The following CSMD3 variants were observed in gnomAD, a reference collection of about 807,000 sequenced individuals.
CSMD3 encodes CUB and sushi domain-containing protein 3.
CSMD3 carries 177 observed loss-of-function variants against 435.2 expected under a neutral mutation model. The ratio of observed to expected loss-of-function variants is 0.41; its 90% CI spans 0.36 to 0.46. The LOEUF (loss-of-function observed/expected upper bound fraction) is 0.46, where lower values mean the gene tolerates loss of function less well. Among genes scored for constraint, CSMD3 ranks in the 20% least tolerant of loss-of-function variants. The probability of loss-of-function intolerance (pLI) is 0.34; values close to 1 mark genes in which losing one functional copy is unlikely to be tolerated. For missense variants in CSMD3, 4,265 were observed against 4,504.6 expected, an observed-to-expected ratio of 0.95 and a Z score of 1.52; for synonymous variants, 1,656 against 1,520.5, an observed-to-expected ratio of 1.09 and a Z score of -2.07.
intron 32 of CSMD3, among the ~76,000 whole-genome samples, chr8:112,434,237 T>G (rs1814063470): frequency 6.6e-6 from 1 of 152,186 alleles, no homozygotes; most frequent in African/African-American, 2.4e-5. Context: ...CTTATTCAAT[T>G]GATATAAATA....
intron 11 of CSMD3, among the ~76,000 whole-genome samples, chr8:112,840,055 C>T (rs908254549): frequency 6.6e-6 from 1 of 151,474 alleles, no homozygotes; most frequent in African/African-American, 2.4e-5. Flanking sequence ...GTGGAAGGCC[C>T]GGTTTACTTC....
intron 27 of CSMD3, among the ~76,000 whole-genome samples, chr8:112,532,151 A>G (rs1231684593): frequency 6.6e-6 from 1 of 152,054 alleles, no homozygotes; most frequent in Non-Finnish European, 1.5e-5. Context: ...AATTCATGAC[A>G]TGGAAGATAG....
intron 10 of CSMD3, among the ~76,000 whole-genome samples, chr8:112,920,532 G>A (rs997872371): frequency 6.6e-6 from 1 of 151,264 alleles, no homozygotes; most frequent in East Asian, 2.0e-4. Flanking sequence ...CTACTGGGAG[G>A]AATTATTTGA....
intron 32 of CSMD3, among the ~76,000 whole-genome samples, chr8:112,446,170 C>G (rs934593687): frequency 6.6e-6 from 1 of 152,130 alleles, no homozygotes; most frequent in African/African-American, 2.4e-5. Context: ...AGAAACACAG[C>G]TTGTACTCTT....
chr8:112,365,293 A>C (rs1664313834), intron 38 of CSMD3, among the ~76,000 whole-genome samples: 1 of 152,038 alleles, frequency 6.6e-6, no homozygotes, highest in African/African-American at 2.4e-5. Flanking sequence ...CTTTCCATTA[A>C]TATTTGAAAC....
intron 2 of CSMD3, among the ~76,000 whole-genome samples, chr8:113,288,857 G>C (rs2093664514): frequency 6.6e-6 from 1 of 151,782 alleles, no homozygotes. Context: ...TAAATACTAG[G>C]AATTATCCCA....
chr8:112,932,504 C>G (rs909650165), intron 9 of CSMD3, among the ~76,000 whole-genome samples: 2 of 152,070 alleles, frequency 1.3e-5, no homozygotes, highest in Non-Finnish European at 2.9e-5. Context: ...CCTTGGCCTC[C>G]CAAAGTGCTG....
chr8:112,934,082 C>G (rs1177576714), intron 9 of CSMD3, among the ~76,000 whole-genome samples: 2 of 151,994 alleles, frequency 1.3e-5, no homozygotes, highest in Non-Finnish European at 2.9e-5. Flanking sequence ...TGGGTATTGG[C>G]TGAGTACATG....
chr8:113,175,528 A>C (rs1033890977), intron 3 of CSMD3, among the ~76,000 whole-genome samples: 3 of 151,962 alleles, frequency 2.0e-5, no homozygotes, highest in African/African-American at 7.2e-5. Context: ...TATTTCTCCA[A>C]GACATTAGCT....
intron 3 of CSMD3, among the ~76,000 whole-genome samples, chr8:113,250,788 C>T (rs1378432211): frequency 6.6e-6 from 1 of 152,048 alleles, no homozygotes; most frequent in African/African-American, 2.4e-5. Flanking sequence ...ATTTAATGGG[C>T]TTGTTTACTG....
chr8:112,804,340 A>C (rs1358869061), intron 12 of CSMD3, among the ~76,000 whole-genome samples: 12 of 152,204 alleles, frequency 7.9e-5, no homozygotes, highest in South Asian at 2.1e-4. Context: ...TAAAAAAAAA[A>C]CTGATATGTT....
chr8:112,747,818 C>T (rs892025859), intron 13 of CSMD3, among the ~76,000 whole-genome samples: 1 of 152,070 alleles, frequency 6.6e-6, no homozygotes, highest in African/African-American at 2.4e-5. Context: ...AAAAAATTAG[C>T]CGGGCGCAGT....
At chr8:112,901,902 A>C (rs1323374353) in intron 10 of CSMD3, among the ~76,000 whole-genome samples, 1 of 151,346 alleles carries the variant, frequency 6.6e-6, no homozygotes. Flanking sequence ...AAGAGGAGTT[A>C]ATGAGGCCTT....
intron 59 of CSMD3, among the ~76,000 whole-genome samples, chr8:112,280,949 C>G (rs1039398319): frequency 2.6e-5 from 4 of 151,274 alleles, no homozygotes; most frequent in Non-Finnish European, 5.9e-5. Flanking sequence ...CCTCTGACCT[C>G]TCTTTCTGCT....
chr8:113,147,207 A>T (rs930510481), intron 4 of CSMD3, among the ~76,000 whole-genome samples: 4 of 151,678 alleles, frequency 2.6e-5, no homozygotes, highest in African/African-American at 9.7e-5. Flanking sequence ...GAAGCTTTCT[A>T]TGGTTGTTAG....
chr8:112,582,083 G>A (rs1830375700), intron 23 of CSMD3, among the ~76,000 whole-genome samples: 1 of 152,076 alleles, frequency 6.6e-6, no homozygotes, highest in African/African-American at 2.4e-5. Context: ...CTGGTGGAAT[G>A]TGATGGCATC....
chr8:113,226,404 A>G (rs1274429243), intron 3 of CSMD3, among the ~76,000 whole-genome samples: 1 of 151,644 alleles, frequency 6.6e-6, no homozygotes, highest in Non-Finnish European at 1.5e-5. Flanking sequence ...TAACTACATT[A>G]TATAGATATA....
intron 23 of CSMD3, among the ~76,000 whole-genome samples, chr8:112,574,627 A>G (rs1186261012): frequency 6.6e-6 from 1 of 151,994 alleles, no homozygotes; most frequent in Non-Finnish European, 1.5e-5. Context: ...TAAGGCATGC[A>G]TTCTCAACAT....
intron 10 of CSMD3, among the ~76,000 whole-genome samples, chr8:112,879,860 A>G (rs182832453): frequency 6.8e-4 from 103 of 152,140 alleles, no homozygotes; most frequent in African/African-American, 2.5e-3. Context: ...TATAAGTGAG[A>G]GTTGAACAAT....
Sources: gnomAD v4.1 joint callset for allele counts (sites outside exome capture counted in the v4.1 genomes callset) on GRCh38, gnomAD v4.1.1 for gene constraint, MANE v1.5 for transcripts, NCBI Gene and HGNC (gene_info 2026-07-23, HGNC 2026-07-21) for gene names.